The following PCDHGA10 variants were observed in gnomAD, a reference collection of about 807,000 sequenced individuals.
The protein encoded by PCDHGA10 is protocadherin gamma subfamily A, 10, also known as protocadherin gamma-A10.
PCDHGA10 carries 42 observed loss-of-function variants against 59.5 expected under a neutral mutation model. The observed-to-expected ratio is 0.71, with a 90% CI of 0.55 to 0.91. The LOEUF (loss-of-function observed/expected upper bound fraction) is 0.91, where lower values mean the gene tolerates loss of function less well. PCDHGA10 is among the 40% of genes least tolerant of loss of function. The pLI is 0.00. For missense variants in PCDHGA10, 1,111 were observed against 1,198.2 expected, an observed-to-expected ratio of 0.93 and a Z score of 1.07; for synonymous variants, 511 against 517.2, an observed-to-expected ratio of 0.99 and a Z score of 0.16.
At position 141,490,819 on chromosome 5, in the gene PCDHGA10, C is replaced by T; in HGVS notation, c.2437-3988C>T. Reference sequence around the variant, plus strand: ...CCAGCGTACCTTTGACTATGAATTGCTGCAGATGCTGCAGATTGTGGTGGG... The same window carrying T: ...CCAGCGTACCTTTGACTATGAATTGTTGCAGATGCTGCAGATTGTGGTGGG... On this transcript the variant is annotated intron_variant, in intron 1 of 3. Transcript: ENST00000398610. This position sits in a 1 kb window ranked among gnomAD's most constrained non-coding sequence, Gnocchi z 5.4. 2 of 1,613,842 alleles carry T rather than the reference C, an allele frequency of 1.2e-6. No individual in the cohort carries two copies. Among genetic ancestry groups the T allele is most frequent in the Non-Finnish European group, 8.5e-7 (1 of 1,179,804 alleles).
Position 141,485,486 on chromosome 5 carries a change from C to T in PCDHGA10, c.2437-9321C>T, listed in dbSNP as rs2099614522. 6 of 1,614,102 alleles carry T rather than the reference C, an allele frequency of 3.7e-6. No individual in the cohort carries two copies. The highest frequency in any genetic ancestry group is 2.2e-5 in the East Asian group (1 of 44,866). The stretch of plus-strand genomic sequence containing the variant: ...TGGGCTCAGTGCCAGCTGCATCGTG[C>T]CCCTGGAGTTTGTCACCGAAGGTCC... On this transcript the variant is annotated intron_variant, in intron 1 of 3. Coordinates refer to ENST00000398610, the MANE Select transcript of PCDHGA10 (RefSeq NM_018913.3). This position sits in a 1 kb window ranked among gnomAD's most constrained non-coding sequence, Gnocchi z 5.7.
At chr5:141,433,646 A>G (rs2097639113) in intron 1 of PCDHGA10, among the ~76,000 whole-genome samples, 1 of 152,012 alleles carries the variant, frequency 6.6e-6, no homozygotes, top group Non-Finnish European at 1.5e-5. Flanking sequence ...GACCAGCCTG[A>G]CCAACATGGA....
In PCDHGA10 at chr5:141,414,231, C is replaced by T. The variant is rs2095722548; in HGVS notation, c.1056C>T (p.Thr352=). ...EDVNDNSPEL[T]ITSLFSPVTE... The stretch of plus-strand genomic sequence containing the variant: ...TAAATGACAACAGTCCAGAGCTGAC[C>T]ATCACGTCTCTATTTAGTCCAGTGA... Residue 352 remains threonine, a synonymous_variant, in exon 1 of 4, where the codon ACC becomes ACT. Transcript: ENST00000398610. 6.2e-7 allele frequency: 1 copy of T among 1,613,304 alleles called. No homozygotes were observed. Among genetic ancestry groups the T allele is most frequent in the South Asian group, 1.1e-5 (1 of 90,950 alleles).
At chr5:141,503,004 C>T (rs114294610) in intron 2 of PCDHGA10, among the ~76,000 whole-genome samples, 5,013 of 145,894 alleles carry the variant, frequency 0.034, 127 homozygotes, top group South Asian at 0.076. Context: ...CCACCATGCC[C>T]GGTTAATTTT....
chr5:141,509,830 T>A (rs1328716142), intron 3 of PCDHGA10, among the ~76,000 whole-genome samples: 1 of 152,204 alleles, frequency 6.6e-6, no homozygotes, highest in African/African-American at 2.4e-5. Flanking sequence ...ATCTTCTCTC[T>A]ACCTCCCATT....
rs1210429084 is a variant in PCDHGA10 at position 141,487,045 on chromosome 5, T to C, written c.2437-7762T>C. 2 of 1,614,088 alleles carry C rather than the reference T, an allele frequency of 1.2e-6. No individual in the cohort carries two copies. Among genetic ancestry groups the C allele is most frequent in the Non-Finnish European group, 1.7e-6 (2 of 1,180,036 alleles). On this transcript the variant is annotated intron_variant, in intron 1 of 3. Coordinates refer to ENST00000398610, the MANE Select transcript of PCDHGA10 (RefSeq NM_018913.3). This position sits in a 1 kb window ranked among gnomAD's most constrained non-coding sequence, Gnocchi z 5.0. ...CCAGCCTGTTTGCAGTCTCTCGATA[T>C]GCTGGGGAGGTGCGGACGGCTGTTC...
At position 141,482,089 on chromosome 5, in the gene PCDHGA10, CAAA is replaced by C. The variant is rs36035257; in HGVS notation, c.2437-12704_2437-12702del. 2.7e-4 allele frequency among the ~76,000 whole-genome samples: 36 copies of C among 134,496 alleles called. No individual in the cohort carries two copies. The East Asian group carries it at 3.5e-3, about 13-fold the overall frequency. The allele number at this position is 134,496 out of a possible 152,430, so 88.2% of individuals were successfully genotyped here. On this transcript the variant is annotated intron_variant, in intron 1 of 3. Coordinates refer to ENST00000398610, the MANE Select transcript of PCDHGA10 (RefSeq NM_018913.3). ...AACAAGAACAAAACTCACTCCATCTCAAAAAAAAAAAAAAAATATCTAGAGATG... is the reference window on the plus strand; with the variant it reads ...AACAAGAACAAAACTCACTCCATCTCAAAAAAAAAAAAATATCTAGAGATG...
chr5:141,473,117 C>A (rs976493841), intron 1 of PCDHGA10, among the ~76,000 whole-genome samples: 4 of 152,140 alleles, frequency 2.6e-5, no homozygotes, highest in Admixed American at 1.3e-4. Flanking sequence ...CTTTACTTGG[C>A]TCTTTGGCAA....
At position 141,413,590 on chromosome 5, in the gene PCDHGA10, G is replaced by A. The variant is rs759901330; in HGVS notation, c.415G>A (p.Ala139Thr). The A allele has an allele frequency of 1.2e-6, 2 of 1,613,886 alleles. No homozygotes were observed. The highest frequency in any genetic ancestry group is 1.7e-6 in the Non-Finnish European group (2 of 1,179,898). ...DINDNAPKFQ[A>T]ENLDVKINEN... ...CAATGACAATGCTCCAAAATTCCAA[G>A]CAGAAAATCTAGACGTAAAAATTAA... The change falls in exon 1 of 4, where the codon GCA (alanine) becomes ACA (threonine). Residue 139 changes from alanine (A) to threonine (T), a missense_variant. Transcript: ENST00000398610.
intron 1 of PCDHGA10, among the ~76,000 whole-genome samples, chr5:141,492,482 A>G (rs1339196127): frequency 6.6e-6 from 1 of 152,182 alleles, no homozygotes; most frequent in Non-Finnish European, 1.5e-5. Context: ...GCGGCCGCCC[A>G]GGACCAGGCG....
Position 141,476,562 on chromosome 5 carries a change from C to G in PCDHGA10, c.2437-18245C>G. 1 of 1,614,218 alleles carries G rather than the reference C, an allele frequency of 6.2e-7. No individual in the cohort carries two copies. The highest frequency in any genetic ancestry group is 1.1e-5 in the South Asian group (1 of 91,088). On this transcript the variant is annotated intron_variant, in intron 1 of 3. Transcript: ENST00000398610. This position sits in a 1 kb window ranked among gnomAD's most constrained non-coding sequence, Gnocchi z 7.6. The stretch of plus-strand genomic sequence containing the variant: ...AAATTGGAGATTAGCGAGGCCGTGG[C>G]TCCGGGGACGCGCTTTCCGCTCGAG...
At chr5:141,460,872 T>C (rs2098999714) in intron 1 of PCDHGA10, among the ~76,000 whole-genome samples, 1 of 151,064 alleles carries the variant, frequency 6.6e-6, no homozygotes, top group South Asian at 2.1e-4. Flanking sequence ...GCAAAGGACA[T>C]TATTTCATGC....
intron 1 of PCDHGA10, chr5:141,440,448 A>G (rs2098178859): frequency 6.6e-6 from 1 of 152,168 alleles, no homozygotes; most frequent in East Asian, 1.9e-4. Context: ...CGCCATCTCA[A>G]AAAAAATGAA....
chr5:141,454,464 T>C (rs1365696226), intron 1 of PCDHGA10, among the ~76,000 whole-genome samples: 1 of 152,196 alleles, frequency 6.6e-6, no homozygotes, highest in Non-Finnish European at 1.5e-5. Flanking sequence ...TGGAGTGCAA[T>C]GGCATGATCT....
intron 1 of PCDHGA10, among the ~76,000 whole-genome samples, chr5:141,445,871 T>C (rs1318495005): frequency 6.6e-6 from 1 of 152,198 alleles, no homozygotes; most frequent in Non-Finnish European, 1.5e-5. Context: ...TTGTTCTAAA[T>C]ACCCTTGTAC....
At chr5:141,457,318 C>T (rs990268003) in intron 1 of PCDHGA10, among the ~76,000 whole-genome samples, 3 of 152,238 alleles carry the variant, frequency 2.0e-5, no homozygotes, top group South Asian at 2.1e-4. Context: ...AAGAAACCTC[C>T]GGGTTACAGG....
At chr5:141,505,780 G>A (rs1595982811) in intron 3 of PCDHGA10, among the ~76,000 whole-genome samples, 1 of 139,456 alleles carries the variant, frequency 7.2e-6, no homozygotes, top group Non-Finnish European at 1.6e-5. Flanking sequence ...TCCTAGCTCT[G>A]CTACTATCCT....
Position 141,413,418 on chromosome 5 carries a change from G to C in PCDHGA10, c.243G>C (p.Leu81=), listed in dbSNP as rs748857146. 6.2e-7 allele frequency: 1 copy of C among 1,614,084 alleles called. No homozygotes were observed. The highest frequency in any genetic ancestry group is 1.7e-5 in the Admixed American group (1 of 60,036). The change falls in exon 1 of 4, where the codon CTG becomes CTC. Residue 81 remains leucine (L), a synonymous_variant. Transcript: ENST00000398610. The stretch of plus-strand genomic sequence containing the variant: ...GAGGTAGGACGCAGCTTTTCTCTCT[G>C]AACCCGCGCAGCGGCAGCTTGATCA... ...VSRGRTQLFS[L]NPRSGSLITA...
At chr5:141,430,220 G>A (rs1216694883) in intron 1 of PCDHGA10, among the ~76,000 whole-genome samples, 1 of 148,674 alleles carries the variant, frequency 6.7e-6, no homozygotes, top group Non-Finnish European at 1.5e-5. Flanking sequence ...TATATTATAT[G>A]ATTTGTCAAA....
Sources: gnomAD v4.1 joint callset for allele counts (sites outside exome capture counted in the v4.1 genomes callset) on GRCh38, gnomAD v4.1.1 for gene constraint, Gnocchi (gnomAD v3.1) non-coding constraint, MANE v1.5 for transcripts, NCBI Gene and HGNC (gene_info 2026-07-23, HGNC 2026-07-21) for gene names.